Variants in TRPC4 observed in about 807,000 individuals in gnomAD.
TRPC4 encodes the protein transient receptor potential cation channel subfamily C member 4.
Under a neutral mutation model 99.4 loss-of-function variants are expected in TRPC4, and 49 were observed. That is an observed-to-expected ratio of 0.49 (90% CI 0.39 to 0.63). The LOEUF is 0.63. Among genes scored for constraint, TRPC4 ranks in the 20% least tolerant of loss-of-function variants. The probability of loss-of-function intolerance (pLI) is 0.00; values close to 1 mark genes in which losing one functional copy is unlikely to be tolerated. For synonymous variants in TRPC4, 454 were observed against 425.9 expected, an observed-to-expected ratio of 1.07 and a Z score of -0.81; for missense variants, 898 against 1,152.9, an observed-to-expected ratio of 0.78 and a Z score of 3.20.
intron 1 of TRPC4, among the ~76,000 whole-genome samples, chr13:37,794,678 T>C (rs2139402935): frequency 6.6e-6 from 1 of 152,300 alleles, no homozygotes; most frequent in Non-Finnish European, 1.5e-5. Context: ...TTGAACACTT[T>C]ACTAACTTTG....
chr13:37,767,547 G>A (rs1454057098), intron 2 of TRPC4, among the ~76,000 whole-genome samples: 2 of 151,162 alleles, frequency 1.3e-5, no homozygotes, highest in Admixed American at 1.3e-4. Flanking sequence ...TAAAATATTA[G>A]GCAGCATTGT....
At chr13:37,833,847 G>A (rs1958489255) in intron 1 of TRPC4, among the ~76,000 whole-genome samples, 1 of 152,098 alleles carries the variant, frequency 6.6e-6, no homozygotes. Context: ...CAAAAAAATG[G>A]AGGATATAGT....
intron 10 of TRPC4, 30 bp downstream of exon 10, chr13:37,639,010 G>T: frequency 6.2e-7 from 1 of 1,602,352 alleles, no homozygotes; most frequent in Non-Finnish European, 8.6e-7. Flanking sequence ...TGCACAATCT[G>T]CCTCTTGTGA....
chr13:37,727,207 A>T (rs975449549), intron 3 of TRPC4, among the ~76,000 whole-genome samples: 4 of 152,132 alleles, frequency 2.6e-5, no homozygotes, highest in Admixed American at 1.3e-4. Context: ...TAATAAATTT[A>T]AAAATATTGA....
At chr13:37,715,051 G>A (rs1424112116) in intron 3 of TRPC4, among the ~76,000 whole-genome samples, 2 of 152,204 alleles carry the variant, frequency 1.3e-5, no homozygotes, top group East Asian at 3.8e-4. Context: ...AAAGCAATGA[G>A]ATACTTATTG....
chr13:37,771,690 C>A (rs1262297185), intron 2 of TRPC4, among the ~76,000 whole-genome samples: 3 of 151,388 alleles, frequency 2.0e-5, no homozygotes, highest in Non-Finnish European at 4.4e-5. Flanking sequence ...ATCAGCAAGT[C>A]TTTGTGGAGT....
At position 37,828,299 on chromosome 13, in the gene TRPC4, C is replaced by T. The variant is rs558049585; in HGVS notation, c.-28+41296G>A. On this transcript the variant is annotated intron_variant, in intron 1 of 10. Coordinates refer to ENST00000379705, the MANE Select transcript of TRPC4 (RefSeq NM_016179.4). ...TATTCGGCCATCTTGGCTCCTCCCC[C>T]TCCAGAATGGTTATTTTTAAAAAGC... Among the ~76,000 whole-genome samples the T allele has an allele frequency of 8.5e-5, 13 of 152,254 alleles. No homozygotes were observed. The East Asian group carries it at 2.5e-3, about 29-fold the overall frequency.
intron 1 of TRPC4, among the ~76,000 whole-genome samples, chr13:37,816,451 CA>C (rs1957856889): frequency 6.6e-6 from 1 of 151,950 alleles, no homozygotes; most frequent in Admixed American, 6.6e-5. Flanking sequence ...CTCATCGTGA[CA>C]TGGCACATAT....
At chr13:37,799,354 CT>C (rs1382531849) in intron 1 of TRPC4, among the ~76,000 whole-genome samples, 9 of 152,016 alleles carry the variant, frequency 5.9e-5, no homozygotes, top group Non-Finnish European at 5.9e-5. Flanking sequence ...GATTTTTCTA[CT>C]AGATAATTCT....
At chr13:37,833,663 C>T (rs536967667) in intron 1 of TRPC4, among the ~76,000 whole-genome samples, 19 of 152,134 alleles carry the variant, frequency 1.2e-4, no homozygotes, top group Non-Finnish European at 2.6e-4. Flanking sequence ...TAAGATATTT[C>T]TGGCATCTCG....
intron 1 of TRPC4, among the ~76,000 whole-genome samples, chr13:37,840,745 A>G (rs1958709385): frequency 6.6e-6 from 1 of 152,028 alleles, no homozygotes; most frequent in Admixed American, 6.6e-5. Context: ...TACATTTTCA[A>G]GTTTATAACA....
intron 1 of TRPC4, among the ~76,000 whole-genome samples, chr13:37,802,581 C>T (rs1211966677): frequency 6.6e-6 from 1 of 152,078 alleles, no homozygotes; most frequent in African/African-American, 2.4e-5. Context: ...ATGATACCAA[C>T]ATGACTTAAT....
chr13:37,853,737 C>T (rs9548080), intron 1 of TRPC4, among the ~76,000 whole-genome samples: 37,015 of 151,390 alleles, frequency 0.24, 4,816 homozygotes, highest in African/African-American at 0.31. Context: ...ATTAAAATAA[C>T]TGAAAAGAAT....
intron 1 of TRPC4, among the ~76,000 whole-genome samples, chr13:37,817,433 AAAATGGTG>A (rs1957889305): frequency 6.6e-6 from 1 of 152,084 alleles, no homozygotes; most frequent in South Asian, 2.1e-4. Context: ...CAATATCCTA[AAAATGGTG>A]ATATTGCCCA....
intron 2 of TRPC4, among the ~76,000 whole-genome samples, chr13:37,748,040 G>A (rs12867999): frequency 0.37 from 56,533 of 152,052 alleles, 12,006 homozygotes; most frequent in Non-Finnish European, 0.49. Flanking sequence ...GAGAATTTAC[G>A]TCCCAGGTGA....
intron 3 of TRPC4, among the ~76,000 whole-genome samples, chr13:37,738,444 A>C (rs1955471074): frequency 6.6e-6 from 1 of 152,170 alleles, no homozygotes; most frequent in African/African-American, 2.4e-5. Context: ...AGAAGCTTGA[A>C]GTCACAGGTG....
chr13:37,795,390 G>A (rs1957219405), intron 1 of TRPC4, among the ~76,000 whole-genome samples: 1 of 152,160 alleles, frequency 6.6e-6, no homozygotes, highest in Non-Finnish European at 1.5e-5. Context: ...GACATTATGA[G>A]GTGGAGGAGG....
intron 1 of TRPC4, among the ~76,000 whole-genome samples, chr13:37,868,734 T>C (rs2139753479): frequency 6.6e-6 from 1 of 152,306 alleles, no homozygotes; most frequent in Non-Finnish European, 1.5e-5. Context: ...TTTATAGCTA[T>C]GGAATTTCAC....
At chr13:37,639,371 T>A in intron 8 of TRPC4, 72 bp from the exon 9 acceptor site, 2 of 1,437,124 alleles carry the variant, frequency 1.4e-6, no homozygotes, top group Non-Finnish European at 1.9e-6. Context: ...TTTATTTTTT[T>A]AATCGATAAT....
Sources: gnomAD v4.1 joint callset for allele counts (sites outside exome capture counted in the v4.1 genomes callset) on GRCh38, gnomAD v4.1.1 for gene constraint, MANE v1.5 for transcripts, NCBI Gene and HGNC (gene_info 2026-07-23, HGNC 2026-07-21) for gene names.